RAB3GAP1: variants seen among roughly 807,000 people sequenced by gnomAD.
The protein encoded by RAB3GAP1 is RAB3 GTPase activating protein catalytic subunit 1, also known as rab3 GTPase-activating protein catalytic subunit.
RAB3GAP1 carries 86 observed loss-of-function variants against 130.7 expected under a neutral mutation model. That is an observed-to-expected ratio of 0.66 (90% CI 0.55 to 0.79). The LOEUF (loss-of-function observed/expected upper bound fraction) is 0.79, where lower values mean the gene tolerates loss of function less well. Among genes scored for constraint, RAB3GAP1 ranks in the 30% least tolerant of loss-of-function variants. The probability of loss-of-function intolerance (pLI) is 0.00; values close to 1 mark genes in which losing one functional copy is unlikely to be tolerated. For synonymous variants in RAB3GAP1, 367 were observed against 401.7 expected (o/e 0.91, Z 1.03); for missense variants, 1,029 against 1,169.4 (o/e 0.88, Z 1.75).
intron 17 of RAB3GAP1, among the ~76,000 whole-genome samples, chr2:135,138,527 T>C (rs998909161): frequency 6.6e-6 from 1 of 152,210 alleles, no homozygotes; most frequent in African/African-American, 2.4e-5. Context: ...TATTATTGGT[T>C]TGGGTTATAT....
chr2:135,141,479 C>T (rs1407699523), intron 17 of RAB3GAP1, among the ~76,000 whole-genome samples: 2 of 152,196 alleles, frequency 1.3e-5, no homozygotes, highest in East Asian at 3.9e-4. Context: ...CTGTCTGGGC[C>T]TCCCAAAGTG....
chr2:135,064,140 A>G (rs532979816), intron 3 of RAB3GAP1, among the ~76,000 whole-genome samples: 28 of 152,160 alleles, frequency 1.8e-4, no homozygotes, highest in African/African-American at 6.3e-4. Context: ...AAAAAATTTT[A>G]TTTCAGCCAT....
chr2:135,150,346 C>T, intron 17 of RAB3GAP1, 23 bp from the exon 18 acceptor site: 2 of 1,613,980 alleles, frequency 1.2e-6, no homozygotes, highest in Non-Finnish European at 1.7e-6. Context: ...TGTTTATGAG[C>T]CTTGTCCTTT....
chr2:135,151,407 C>T (rs1040886777), intron 18 of RAB3GAP1, among the ~76,000 whole-genome samples: 1 of 152,184 alleles, frequency 6.6e-6, no homozygotes, highest in African/African-American at 2.4e-5. Context: ...CTCTGAAACA[C>T]CTGTGTATTA....
intron 17 of RAB3GAP1, among the ~76,000 whole-genome samples, chr2:135,137,676 A>G (rs781772131): frequency 3.9e-5 from 6 of 152,220 alleles, no homozygotes; most frequent in Non-Finnish European, 1.5e-5. Flanking sequence ...ATATATAGAG[A>G]GAACAAAAGT....
chr2:135,136,108 C>T (rs187876896), intron 17 of RAB3GAP1, among the ~76,000 whole-genome samples, 176 bp downstream of exon 17: 61 of 152,250 alleles, frequency 4.0e-4, no homozygotes, highest in Middle Eastern at 3.4e-3. Context: ...GGCAGATCAC[C>T]TGAGGTCAGG....
At chr2:135,070,612 G>T (rs2104841075) in intron 3 of RAB3GAP1, among the ~76,000 whole-genome samples, 1 of 152,196 alleles carries the variant, frequency 6.6e-6, no homozygotes, top group Admixed American at 6.5e-5. Flanking sequence ...GGTTCAAGCA[G>T]TTCTCTTGCC....
chr2:135,098,223 T>C (rs1374827541), intron 5 of RAB3GAP1, among the ~76,000 whole-genome samples: 1 of 152,164 alleles, frequency 6.6e-6, no homozygotes, highest in Non-Finnish European at 1.5e-5. Flanking sequence ...GGGGGTTGTT[T>C]GTTTTCTTAC....
intron 5 of RAB3GAP1, among the ~76,000 whole-genome samples, chr2:135,103,997 T>C (rs1489745085): frequency 6.6e-6 from 1 of 152,172 alleles, no homozygotes; most frequent in African/African-American, 2.4e-5. Flanking sequence ...CCAGTTGCAA[T>C]TTTGAATGCA....
At chr2:135,117,486 T>TCTGCTTCTG (rs1246052775) in intron 7 of RAB3GAP1, among the ~76,000 whole-genome samples, 1 of 133,246 alleles carries the variant, frequency 7.5e-6, no homozygotes, top group African/African-American at 3.2e-5. Context: ...TTCTTCTGCT[T>TCTGCTTCTG]CTTCTTCTGC....
Position 135,164,536 on chromosome 2 carries a change from G to A in RAB3GAP1, c.2607-58G>A, listed in dbSNP as rs555922397. On this transcript the variant is annotated intron_variant, in intron 22 of 23. Transcript: ENST00000264158. Reference sequence around the variant, plus strand: ...ACAAAACTCCTGTGGGAGGATGGACGCCCAGTGGCCTGGACAGCTCACTTT... The same window carrying A: ...ACAAAACTCCTGTGGGAGGATGGACACCCAGTGGCCTGGACAGCTCACTTT... 406 of 1,332,236 alleles carry A rather than the reference G, an allele frequency of 3.0e-4. 2 individuals are homozygous for A. Among genetic ancestry groups the A allele is most frequent in the South Asian group, 4.2e-4 (35 of 84,108 alleles). 82.5% of individuals were successfully genotyped at this position (1,332,236 alleles called of 1,614,324 possible). A position where few individuals can be genotyped will look rare whatever the true frequency, so the allele number is the denominator to read the frequency against.
At chr2:135,052,895 G>A (rs1172109425) in intron 2 of RAB3GAP1, among the ~76,000 whole-genome samples, 1 of 152,176 alleles carries the variant, frequency 6.6e-6, no homozygotes, top group East Asian at 1.9e-4. Context: ...TCCCGTGTAC[G>A]TTGGTATACC....
intron 5 of RAB3GAP1, among the ~76,000 whole-genome samples, chr2:135,094,988 A>G (rs2104881379): frequency 6.6e-6 from 1 of 152,242 alleles, no homozygotes; most frequent in East Asian, 1.9e-4. Flanking sequence ...GTTATTGTGA[A>G]TAATGCTGTA....
intron 13 of RAB3GAP1, among the ~76,000 whole-genome samples, chr2:135,131,902 A>G (rs1691556624): frequency 6.6e-6 from 1 of 152,220 alleles, no homozygotes; most frequent in Non-Finnish European, 1.5e-5. Flanking sequence ...ATCTTGGGAA[A>G]AACCTTCAAG....
chr2:135,166,375 G>T (rs1291066797), intron 23 of RAB3GAP1, among the ~76,000 whole-genome samples: 1 of 151,998 alleles, frequency 6.6e-6, no homozygotes, highest in African/African-American at 2.4e-5. Context: ...TAAAGAGAGG[G>T]TCTCACTCTG....
chr2:135,143,741 T>G (rs537585559), intron 17 of RAB3GAP1, among the ~76,000 whole-genome samples: 11 of 152,190 alleles, frequency 7.2e-5, no homozygotes, highest in South Asian at 6.2e-4. Context: ...GTATTTTTAG[T>G]AGAGACGGGG....
Position 135,144,409 on chromosome 2 carries a change from G to T in RAB3GAP1, c.1924-5960G>T, listed in dbSNP as rs371340167. ...TGCTTGCTGATTGGTTTGCGAGTAC[G>T]CAAAATGGGCTAAAACAAAGGCACC... On this transcript the variant is annotated intron_variant, in intron 17 of 23. Coordinates refer to ENST00000264158, the MANE Select transcript of RAB3GAP1 (RefSeq NM_012233.3). Among the ~76,000 whole-genome samples, 6 of 152,278 alleles carry T rather than the reference G, an allele frequency of 3.9e-5. No homozygotes were observed. In the East Asian group the frequency reaches 1.2e-3, roughly 29 times the overall value.
Position 135,168,963 on chromosome 2 carries a change from G to C in RAB3GAP1, c.*182G>C, listed in dbSNP as rs1016162193. On this transcript the variant is annotated 3_prime_UTR_variant, in exon 24 of 24. Transcript: ENST00000264158. ...GCTTGAGCTGTGTCGTTTCGTGGAG[G>C]GGGCAGCGAGGATGGGCTTGAGCTG... 3 of 671,182 alleles carry C rather than the reference G, an allele frequency of 4.5e-6. No homozygotes were observed. The highest frequency in any genetic ancestry group is 1.8e-5 in the African/African-American group (1 of 55,976). The allele number at this position is 671,182 out of a possible 1,614,324, so 41.6% of individuals were successfully genotyped here.
intron 3 of RAB3GAP1, among the ~76,000 whole-genome samples, chr2:135,081,327 A>AAAATATAT (rs1363481112): frequency 2.0e-3 from 126 of 63,992 alleles, no homozygotes; most frequent in South Asian, 2.8e-3. Flanking sequence ...AAAAAAAAAA[A>AAAATATAT]ATATATATAT....
Sources: allele counts gnomAD v4.1 joint callset (sites outside exome capture counted in the v4.1 genomes callset), GRCh38; gene constraint gnomAD v4.1.1; transcripts MANE v1.5; gene names NCBI Gene and HGNC (gene_info 2026-07-23, HGNC 2026-07-21).